Variants in PAMR1 observed in about 807,000 individuals in gnomAD.
PAMR1 encodes the protein peptidase domain containing associated with muscle regeneration 1.
Under a neutral mutation model 81.8 loss-of-function variants are expected in PAMR1, and 88 were observed. That is an observed-to-expected ratio of 1.08 (90% confidence interval 0.91 to 1.28). The LOEUF is 1.28. Ranked by LOEUF, PAMR1 falls within the 50% of genes most tolerant of loss-of-function variation. The probability of loss-of-function intolerance (pLI) is 0.00; values close to 1 mark genes in which losing one functional copy is unlikely to be tolerated. For missense variants in PAMR1, 935 were observed against 919.7 expected, an observed-to-expected ratio of 1.02 and a Z score of -0.21; for synonymous variants, 336 against 345.3, an observed-to-expected ratio of 0.97 and a Z score of 0.30.
Position 35,467,844 on chromosome 11 carries a change from G to A in PAMR1, c.820+157C>T, listed in dbSNP as rs541608653. 5.9e-5 allele frequency among the ~76,000 whole-genome samples: 9 copies of A among 152,278 alleles called. No homozygotes were observed. In the East Asian group the frequency reaches 1.7e-3, roughly 29 times the overall value. The stretch of plus-strand genomic sequence containing the variant: ...GAGAACCTGACTCAGAAGCAGCTAT[G>A]CCCCTCTGAGAATCACTCACTGGGA... On this transcript the variant is annotated intron_variant, in intron 6 of 10. Transcript: ENST00000619888.
At chr11:35,502,193 G>A (rs1850860448) in intron 1 of PAMR1, among the ~76,000 whole-genome samples, 1 of 151,852 alleles carries the variant, frequency 6.6e-6, no homozygotes, top group African/African-American at 2.4e-5. Flanking sequence ...CTGGCCATTT[G>A]TATGTCTACT....
rs1217352743 is a variant in PAMR1 at position 35,494,170 on chromosome 11, C to G, written c.176G>C (p.Arg59Thr). The G allele has an allele frequency of 2.0e-5, 33 of 1,614,026 alleles. No individual in the cohort carries two copies. Among genetic ancestry groups the G allele is most frequent in the African/African-American group, 2.7e-5 (2 of 74,924 alleles). The change falls in exon 2 of 11, where the codon AGG becomes ACG. Residue 59 changes from arginine to threonine, a missense_variant. By Grantham distance (71) the Arg-to-Thr change is moderately conservative (BLOSUM62 -1). Transcript: ENST00000619888. ...AGGGATGGTATAACCCACGACTTCC[C>G]TCTTTCCGGGGCAGACGCACTCAAT... ...DQIECVCPGK[R>T]EVVGYTIPCC...
intron 1 of PAMR1, among the ~76,000 whole-genome samples, chr11:35,505,520 TATTGTTGGGTGCATAC>T (rs1353152325): frequency 1.3e-5 from 2 of 152,110 alleles, no homozygotes; most frequent in East Asian, 1.9e-4. Context: ...TTGGGTGCTC[TATTGTTGGGTGCATAC>T]ATTGTTGGGT....
intron 8 of PAMR1, 62 bp downstream of exon 8, chr11:35,439,565 G>A: frequency 7.6e-7 from 1 of 1,316,054 alleles, no homozygotes; most frequent in African/African-American, 1.4e-5. Context: ...AAGTGGGGAA[G>A]GGGAATGGAA....
chr11:35,491,662 C>T (rs559226648), intron 3 of PAMR1, among the ~76,000 whole-genome samples: 1 of 152,312 alleles, frequency 6.6e-6, no homozygotes, highest in Admixed American at 6.5e-5. Flanking sequence ...GAATTTAATT[C>T]AGGATTCAAG....
chr11:35,458,048 T>C (rs1258655015), intron 6 of PAMR1, among the ~76,000 whole-genome samples: 2 of 152,186 alleles, frequency 1.3e-5, no homozygotes, highest in Admixed American at 6.5e-5. Flanking sequence ...TGGGTTAGCA[T>C]GCACAGAAAT....
intron 1 of PAMR1, among the ~76,000 whole-genome samples, chr11:35,498,898 A>G (rs2135406175): frequency 6.6e-6 from 1 of 152,190 alleles, no homozygotes; most frequent in African/African-American, 2.4e-5. Context: ...TTTCTGTCTC[A>G]CTATCCTATG....
upstream of PAMR1, among the ~76,000 whole-genome samples, chr11:35,529,523 C>T (rs1423604499): frequency 1.3e-5 from 2 of 152,172 alleles, no homozygotes; most frequent in African/African-American, 2.4e-5. Context: ...ATGGACCACT[C>T]GCTACCTGTG....
chr11:35,525,518 G>C lies in PAMR1; in HGVS notation c.68C>G (p.Pro23Arg). The C allele has an allele frequency of 6.2e-7, 1 of 1,613,694 alleles. No homozygotes were observed. ...FLQLLLISSL[P>R]REYTVINEAC... Reference sequence around the variant, plus strand: ...CCGGACGCTACTCACAGTACCTCTTGGCAAGGACGAGATGAGAAGGAGCTG... The same window carrying C: ...CCGGACGCTACTCACAGTACCTCTTCGCAAGGACGAGATGAGAAGGAGCTG... The change falls in exon 1 of 11, where the codon CCA becomes CGA. Residue 23 changes from proline (P) to arginine (R), a missense_variant. Pro to Arg is a moderately radical substitution (Grantham distance 103). Coordinates refer to ENST00000619888, the MANE Select transcript of PAMR1 (RefSeq NM_001001991.3).
At chr11:35,436,574 G>A (rs373063570) in intron 8 of PAMR1, among the ~76,000 whole-genome samples, 2 of 151,798 alleles carry the variant, frequency 1.3e-5, no homozygotes, top group South Asian at 4.2e-4. Flanking sequence ...TGTGAGCTAC[G>A]CCACCCAGCC....
chr11:35,479,298 G>T (rs751057728), intron 3 of PAMR1, among the ~76,000 whole-genome samples: 6 of 152,246 alleles, frequency 3.9e-5, no homozygotes, highest in South Asian at 2.1e-4. Context: ...TCTTAGTTCG[G>T]CCACTTACTA....
chr11:35,443,448 G>C (rs1856222547), intron 6 of PAMR1, among the ~76,000 whole-genome samples: 1 of 152,160 alleles, frequency 6.6e-6, no homozygotes, highest in Non-Finnish European at 1.5e-5. Context: ...TTATGAGTGA[G>C]AACATCCAGT....
At chr11:35,497,069 A>C (rs1287557892) in intron 1 of PAMR1, among the ~76,000 whole-genome samples, 1 of 152,206 alleles carries the variant, frequency 6.6e-6, no homozygotes, top group Non-Finnish European at 1.5e-5. Context: ...TAGGAGGCTG[A>C]GGCACGAGAA....
chr11:35,438,747 G>A (rs1856102946), intron 8 of PAMR1, among the ~76,000 whole-genome samples: 1 of 152,190 alleles, frequency 6.6e-6, no homozygotes, highest in South Asian at 2.1e-4. Flanking sequence ...AAGACAACAG[G>A]TGGAGAGAGA....
chr11:35,505,554 T>C (rs1394968222), intron 1 of PAMR1, among the ~76,000 whole-genome samples: 4 of 152,144 alleles, frequency 2.6e-5, no homozygotes, highest in Non-Finnish European at 5.9e-5. Flanking sequence ...GGTGCATAGA[T>C]ATTTATAATT....
chr11:35,512,079 C>T (rs1188629491), intron 1 of PAMR1, among the ~76,000 whole-genome samples: 1 of 152,248 alleles, frequency 6.6e-6, no homozygotes, highest in African/African-American at 2.4e-5. Flanking sequence ...TCAAGGCCAT[C>T]ATCACCCTCC....
chr11:35,528,338 G>A (rs886394648), upstream of PAMR1, among the ~76,000 whole-genome samples: 1 of 152,066 alleles, frequency 6.6e-6, no homozygotes, highest in Admixed American at 6.5e-5. Flanking sequence ...CAGCCCAGAG[G>A]AATCTACATA....
Position 35,525,507 on chromosome 11 carries a change from C to T in PAMR1, c.73+6G>A, listed in dbSNP as rs780631841. On this transcript the variant is annotated splice_donor_region_variant and intron_variant, in intron 1 of 10. Transcript: ENST00000619888. ...CCTAGGGTGTCCCGGACGCTACTCA[C>T]AGTACCTCTTGGCAAGGACGAGATG... 3.1e-6 allele frequency: 5 copies of T among 1,613,198 alleles called. No individual in the cohort carries two copies. The Admixed American group carries it at 8.3e-5, about 27-fold the overall frequency.
chr11:35,497,472 G>A (rs765595478), intron 1 of PAMR1, among the ~76,000 whole-genome samples: 1 of 152,162 alleles, frequency 6.6e-6, no homozygotes, highest in Non-Finnish European at 1.5e-5. Flanking sequence ...TCTGTTTGGG[G>A]TGGTGAACTA....
Sources: allele counts gnomAD v4.1 joint callset (sites outside exome capture counted in the v4.1 genomes callset), GRCh38; gene constraint gnomAD v4.1.1; transcripts MANE v1.5; gene names NCBI Gene and HGNC (gene_info 2026-07-23, HGNC 2026-07-21).